TTC7A: variants seen among roughly 807,000 people sequenced by gnomAD.
TTC7A encodes the protein tetratricopeptide repeat domain 7A, also known as tetratricopeptide repeat protein 7A.
TTC7A carries 110 observed loss-of-function variants against 103.7 expected under a neutral mutation model. That is an observed-to-expected ratio of 1.06 (90% CI 0.91 to 1.24). TTC7A has a LOEUF of 1.24. Among genes scored for constraint, TTC7A ranks in the 50% most tolerant of loss-of-function variants. The pLI is 0.00. For missense variants in TTC7A, 1,340 were observed against 1,116.3 expected (o/e 1.20, Z -2.86); for synonymous variants, 521 against 467.9 (o/e 1.11, Z -1.47).
chr2:46,983,823 C>G (rs941444210), intron 5 of TTC7A, among the ~76,000 whole-genome samples: 2 of 152,118 alleles, frequency 1.3e-5, no homozygotes, highest in East Asian at 3.9e-4. Context: ...GTTTGCTGAC[C>G]CCTGCACTAC....
At chr2:46,927,244 GAGTGA>G (rs1387604000) in intron 2 of TTC7A, among the ~76,000 whole-genome samples, 1 of 150,996 alleles carries the variant, frequency 6.6e-6, no homozygotes, top group African/African-American at 2.4e-5. Flanking sequence ...GGATCAAAAA[GAGTGA>G]CAAATCCCAA....
At position 47,006,579 on chromosome 2, in the gene TTC7A, G is replaced by A. The variant is rs78857021; in HGVS notation, c.1204-62G>A. ...CTTGGGCAGTAACTACCCTGGAAGGGTGCGGATGGCTGGGGTGGGAGGACC... is the reference window on the plus strand; with the variant it reads ...CTTGGGCAGTAACTACCCTGGAAGGATGCGGATGGCTGGGGTGGGAGGACC... On this transcript the variant is annotated intron_variant, in intron 9 of 19. Coordinates refer to ENST00000319190, the MANE Select transcript of TTC7A (RefSeq NM_020458.4). The A allele has an allele frequency of 1.2e-3, 1,756 of 1,430,984 alleles. 15 individuals are homozygous for A. The African/African-American group carries it at 0.022, about 18-fold the overall frequency. 88.6% of individuals were successfully genotyped at this position (1,430,984 alleles called of 1,614,324 possible).
chr2:47,015,531 T>C (rs1486725607), intron 11 of TTC7A, among the ~76,000 whole-genome samples: 1 of 152,214 alleles, frequency 6.6e-6, no homozygotes, highest in Non-Finnish European at 1.5e-5. Flanking sequence ...TTACTAGCTG[T>C]GTGACTTTGA....
chr2:46,989,037 G>T (rs536315255), intron 5 of TTC7A, among the ~76,000 whole-genome samples: 19 of 152,336 alleles, frequency 1.2e-4, no homozygotes, highest in African/African-American at 4.6e-4. Flanking sequence ...ATTAGAAGCT[G>T]CACGGACTGA....
At position 47,029,263 on chromosome 2, in the gene TTC7A, G is replaced by T. The variant is rs143706576; in HGVS notation, c.1681G>T (p.Val561Leu). 2 of 1,614,008 alleles carry T rather than the reference G, an allele frequency of 1.2e-6. No homozygotes were observed. Among genetic ancestry groups the T allele is most frequent in the South Asian group, 1.1e-5 (1 of 91,084 alleles). ...AMEQLQEALKVRKDDAHALHL... is the reference protein window; with the variant it reads ...AMEQLQEALKLRKDDAHALHL... ...GGAGCAGCTGCAGGAGGCCCTGAAGGTACGCAAGGATGATGCCCACGCCCT... is the reference window on the plus strand; with the variant it reads ...GGAGCAGCTGCAGGAGGCCCTGAAGTTACGCAAGGATGATGCCCACGCCCT... The change falls in exon 15 of 20, where the codon GTA (valine) becomes TTA (leucine). Residue 561 changes from valine (V) to leucine (L), a missense_variant. Physicochemically the swap from Val to Leu is conservative, Grantham distance 32. Coordinates refer to ENST00000319190, the MANE Select transcript of TTC7A (RefSeq NM_020458.4).
At chr2:47,031,586 G>A (rs536174085) in intron 15 of TTC7A, among the ~76,000 whole-genome samples, 5 of 152,304 alleles carry the variant, frequency 3.3e-5, no homozygotes, top group South Asian at 2.1e-4. Flanking sequence ...GCCTCAGCTC[G>A]GCATCAGAAT....
intron 3 of TTC7A, among the ~76,000 whole-genome samples, chr2:46,967,130 T>C (rs1473329153): frequency 6.6e-6 from 1 of 152,112 alleles, no homozygotes; most frequent in African/African-American, 2.4e-5. Flanking sequence ...GGAGAATTGC[T>C]TGAACCCAGG....
chr2:47,073,936 C>CT lies in TTC7A; in HGVS notation c.*13_*14insT. 6.2e-7 allele frequency: 1 copy of CT among 1,602,174 alleles called. No individual in the cohort carries two copies. The highest frequency in any genetic ancestry group is 8.5e-7 in the Non-Finnish European group (1 of 1,173,426). ...CAGAGAGCTCTGACGACGCTGCAGC[C>CT]GCAGGGAGGGAGGGGCTGGCCAGAG... On this transcript the variant is annotated 3_prime_UTR_variant, in exon 20 of 20. Transcript: ENST00000319190.
intron 14 of TTC7A, among the ~76,000 whole-genome samples, chr2:47,025,778 A>T (rs1459761291): frequency 6.7e-6 from 1 of 149,112 alleles, no homozygotes; most frequent in Non-Finnish European, 1.5e-5. Context: ...GACTCCCTCC[A>T]TCCTCCTCCA....
rs1301096607 is a variant in TTC7A at position 46,994,440 on chromosome 2, T to C, written c.927T>C (p.Pro309=). 6.2e-7 allele frequency: 1 copy of C among 1,613,964 alleles called. No homozygotes were observed. The highest frequency in any genetic ancestry group is 1.3e-5 in the African/African-American group (1 of 74,890). The change falls in exon 7 of 20, where the codon CCT becomes CCC. Residue 309 remains proline, a synonymous_variant. Coordinates refer to ENST00000319190, the MANE Select transcript of TTC7A (RefSeq NM_020458.4). ...CYWSPLSHPL[P]EFMGKEESSF... Reference sequence around the variant, plus strand: ...GGAGCCCCCTGTCCCACCCTCTGCCTGAGTTCATGGGCAAGGAGGAGAGTT... The same window carrying C: ...GGAGCCCCCTGTCCCACCCTCTGCCCGAGTTCATGGGCAAGGAGGAGAGTT...
chr2:46,923,214 A>T (rs1260436978), intron 2 of TTC7A, among the ~76,000 whole-genome samples: 1 of 152,190 alleles, frequency 6.6e-6, no homozygotes, highest in Non-Finnish European at 1.5e-5. Flanking sequence ...AGGCTTTATT[A>T]CATAGGCACA....
intron 19 of TTC7A, 36 bp downstream of exon 19, chr2:47,061,007 C>T (rs372471602): frequency 4.5e-6 from 7 of 1,545,698 alleles, no homozygotes; most frequent in African/African-American, 4.1e-5. Flanking sequence ...ACCACCTCCT[C>T]CCACAGCCTC....
intron 15 of TTC7A, among the ~76,000 whole-genome samples, chr2:47,030,200 T>TC (rs1216940199): frequency 6.6e-6 from 1 of 152,108 alleles, no homozygotes; most frequent in Admixed American, 6.5e-5. Flanking sequence ...CCCAAGGCTG[T>TC]CCCCCTGCAG....
In TTC7A at chr2:47,029,387, G is replaced by C. The variant is rs1572961263; in HGVS notation, c.1802+3G>C. 10 of 1,613,538 alleles carry C rather than the reference G, an allele frequency of 6.2e-6. No individual in the cohort carries two copies. The highest frequency in any genetic ancestry group is 8.5e-6 in the Non-Finnish European group (10 of 1,180,002). On this transcript the variant is annotated splice_donor_region_variant and intron_variant, in intron 15 of 19. Transcript: ENST00000319190. ...ACCGAGCACCCTGAGAACTTCAAGT[G>C]AGTGCCCTGGGAACACTCTGGCAGT...
intron 6 of TTC7A, among the ~76,000 whole-genome samples, chr2:46,993,822 C>T (rs1361800787): frequency 6.6e-6 from 1 of 152,182 alleles, no homozygotes; most frequent in African/African-American, 2.4e-5. Flanking sequence ...TAGCAAGGTG[C>T]TATGCGAACT....
At chr2:47,067,810 T>G (rs1341157670) in intron 19 of TTC7A, 1 of 152,110 alleles carries the variant, frequency 6.6e-6, no homozygotes, top group Non-Finnish European at 1.5e-5. Context: ...ATTTTTATGT[T>G]TTTCACTTTG....
rs181627982 is a variant in TTC7A, at chr2:46,972,142, T to C, written c.518-2831T>C. Among the ~76,000 whole-genome samples, 107 of 152,188 alleles carry C rather than the reference T, an allele frequency of 7.0e-4. 1 individual carries two copies. The highest frequency in any genetic ancestry group is 2.5e-3 in the African/African-American group (104 of 41,516). ...TCTCTGTCATGTCATGTCTTTTCTC[T>C]GCATGGATTTCATTTTTTTCGTGAC... On this transcript the variant is annotated intron_variant, in intron 3 of 19. Transcript: ENST00000319190.
At chr2:47,023,292 A>T in intron 12 of TTC7A, 116 bp from the exon 13 acceptor site, 1 of 1,108,076 alleles carries the variant, frequency 9.0e-7, no homozygotes, top group Non-Finnish European at 1.3e-6. Flanking sequence ...AGTTTGCCAG[A>T]TGGGACCCTG....
At chr2:47,044,926 G>C (rs1008888821) in intron 15 of TTC7A, among the ~76,000 whole-genome samples, 49 of 152,332 alleles carry the variant, frequency 3.2e-4, no homozygotes, top group African/African-American at 1.2e-3. Flanking sequence ...GAGAAGATCA[G>C]AGGGGCAACT....
Sources: allele counts gnomAD v4.1 joint callset (sites outside exome capture counted in the v4.1 genomes callset), GRCh38; gene constraint gnomAD v4.1.1; transcripts MANE v1.5; gene names NCBI Gene and HGNC (gene_info 2026-07-23, HGNC 2026-07-21).